The following EYS variants were observed in gnomAD, a reference collection of about 807,000 sequenced individuals.
EYS encodes the protein protein eyes shut homolog.
In EYS, 250 loss-of-function variants were observed where a neutral mutation model predicts 282.1. The ratio of observed to expected loss-of-function variants is 0.89; its 90% CI spans 0.80 to 0.98. EYS has a LOEUF of 0.98. EYS is among the 50% of genes least tolerant of loss of function. EYS has a pLI of 0.00. For synonymous variants in EYS, 1,355 were observed against 1,282.9 expected (o/e 1.06, Z -1.20); for missense variants, 4,016 against 3,709.0 (o/e 1.08, Z -2.15).
At chr6:65,512,310 G>T (rs1766914718) in intron 2 of EYS, among the ~76,000 whole-genome samples, 1 of 151,748 alleles carries the variant, frequency 6.6e-6, no homozygotes, top group African/African-American at 2.4e-5. Flanking sequence ...AATTAACACG[G>T]TGAAACCCCA....
chr6:64,703,425 A>ATTTTT (rs1562144141), intron 22 of EYS, among the ~76,000 whole-genome samples: 10 of 20,732 alleles, frequency 4.8e-4, no homozygotes, highest in Admixed American at 6.8e-4. Flanking sequence ...ATATATATAT[A>ATTTTT]TATATTTTTT....
At chr6:65,376,432 A>T (rs781047572) in intron 8 of EYS, among the ~76,000 whole-genome samples, 6 of 152,176 alleles carry the variant, frequency 3.9e-5, no homozygotes, top group Non-Finnish European at 8.8e-5. Context: ...ATACTAAAAT[A>T]TAAAGACCAA....
chr6:65,430,558 C>T (rs1322636145), intron 5 of EYS, among the ~76,000 whole-genome samples: 1 of 152,160 alleles, frequency 6.6e-6, no homozygotes, highest in East Asian at 1.9e-4. Flanking sequence ...CATACAAAGA[C>T]ACCAGCTGGG....
rs1766056266 is a variant in EYS, at chr6:65,392,003, C to T, written c.1185-7503G>A. The stretch of plus-strand genomic sequence containing the variant: ...GATCAATGGAACAGAACAGAGCCCT[C>T]AGAAATAACGCCGCATATCTACAAC... On this transcript the variant is annotated intron_variant, in intron 7 of 42. Coordinates refer to ENST00000503581, the MANE Select transcript of EYS (RefSeq NM_001142800.2). 2.6e-5 allele frequency among the ~76,000 whole-genome samples: 4 copies of T among 151,620 alleles called. 1 individual carries two copies. In the South Asian group the frequency reaches 8.3e-4, roughly 32 times the overall value.
chr6:65,272,295 A>G (rs1239906164), intron 12 of EYS, among the ~76,000 whole-genome samples: 1 of 152,106 alleles, frequency 6.6e-6, no homozygotes, highest in Non-Finnish European at 1.5e-5. Context: ...TGCTGAAAAT[A>G]GTGTCATTAT....
chr6:65,377,715 T>C (rs150207083), intron 8 of EYS, among the ~76,000 whole-genome samples: 1 of 151,470 alleles, frequency 6.6e-6, no homozygotes, highest in African/African-American at 2.4e-5. Flanking sequence ...CCCACAGAAA[T>C]AAAAACTACC....
At chr6:65,390,843 C>T (rs183670719) in intron 7 of EYS, among the ~76,000 whole-genome samples, 2 of 151,824 alleles carry the variant, frequency 1.3e-5, no homozygotes, top group African/African-American at 2.4e-5. Flanking sequence ...TGGTTCACAA[C>T]ACTACATGCC....
At chr6:63,762,978 C>T (rs750220775) in intron 40 of EYS, among the ~76,000 whole-genome samples, 28 of 152,012 alleles carry the variant, frequency 1.8e-4, no homozygotes, top group Admixed American at 9.9e-4. Context: ...AACTTCAAGC[C>T]TAGTGAAAAG....
At chr6:63,834,976 C>A (rs1771763522) in intron 36 of EYS, among the ~76,000 whole-genome samples, 1 of 143,570 alleles carries the variant, frequency 7.0e-6, no homozygotes, top group Admixed American at 7.4e-5. Flanking sequence ...ACCACACGTT[C>A]TCACTCATAG....
intron 36 of EYS, among the ~76,000 whole-genome samples, chr6:63,853,890 T>C (rs1187785321): frequency 6.6e-6 from 1 of 151,986 alleles, no homozygotes; most frequent in Non-Finnish European, 1.5e-5. Context: ...GGGAAAGGAT[T>C]CCTTATTTAG....
intron 12 of EYS, among the ~76,000 whole-genome samples, chr6:65,059,482 T>G (rs536146630): frequency 6.6e-6 from 1 of 152,148 alleles, no homozygotes; most frequent in Non-Finnish European, 1.5e-5. Flanking sequence ...GTTAGTCTCC[T>G]ACCCTCCTAC....
intron 22 of EYS, among the ~76,000 whole-genome samples, chr6:64,800,284 T>C (rs1774497612): frequency 6.6e-6 from 1 of 152,034 alleles, no homozygotes; most frequent in Non-Finnish European, 1.5e-5. Context: ...TACTGCCCAA[T>C]GTCTTTGATG....
At chr6:64,641,870 G>C (rs1768168437) in intron 22 of EYS, among the ~76,000 whole-genome samples, 1 of 152,146 alleles carries the variant, frequency 6.6e-6, no homozygotes, top group Admixed American at 6.5e-5. Flanking sequence ...CTCCTTATGT[G>C]AATCTAATGC....
intron 13 of EYS, among the ~76,000 whole-genome samples, chr6:65,048,642 A>G (rs867199808): frequency 2.6e-5 from 4 of 151,882 alleles, no homozygotes; most frequent in Non-Finnish European, 4.4e-5. Flanking sequence ...GGATTATTTA[A>G]AGGAAACCTT....
chr6:64,416,781 A>T (rs1774070595), intron 28 of EYS, among the ~76,000 whole-genome samples: 1 of 152,154 alleles, frequency 6.6e-6, no homozygotes, highest in African/African-American at 2.4e-5. Flanking sequence ...TCCAAATATT[A>T]CTCAGCATAA....
At chr6:64,613,671 T>G (rs1767179055) in intron 24 of EYS, among the ~76,000 whole-genome samples, 1 of 152,184 alleles carries the variant, frequency 6.6e-6, no homozygotes, top group Admixed American at 6.6e-5. Flanking sequence ...CTGTAATTGA[T>G]GAAATGCTGG....
At chr6:64,276,846 AT>A (rs1768131895) in intron 30 of EYS, among the ~76,000 whole-genome samples, 1 of 152,116 alleles carries the variant, frequency 6.6e-6, no homozygotes, top group Non-Finnish European at 1.5e-5. Flanking sequence ...CATTTCTATT[AT>A]TGTCACAAGA....
intron 31 of EYS, among the ~76,000 whole-genome samples, chr6:64,111,315 A>G (rs1773195506): frequency 6.6e-6 from 1 of 152,072 alleles, no homozygotes; most frequent in Non-Finnish European, 1.5e-5. Flanking sequence ...ATTTTCTAAA[A>G]TACAGAGAAG....
At chr6:64,735,137 G>T (rs1240699065) in intron 22 of EYS, among the ~76,000 whole-genome samples, 1 of 152,094 alleles carries the variant, frequency 6.6e-6, no homozygotes, top group Non-Finnish European at 1.5e-5. Flanking sequence ...AGGCTGTAGT[G>T]CAGCGGTGCA....
Sources: gnomAD v4.1 joint callset for allele counts (sites outside exome capture counted in the v4.1 genomes callset) on GRCh38, gnomAD v4.1.1 for gene constraint, MANE v1.5 for transcripts, NCBI Gene and HGNC (gene_info 2026-07-23, HGNC 2026-07-21) for gene names.